The following ARMC9 variants were observed in gnomAD, a reference collection of about 807,000 sequenced individuals.
ARMC9 encodes the protein lisH domain-containing protein ARMC9.
ARMC9 carries 94 observed loss-of-function variants against 107.0 expected under a neutral mutation model. The ratio of observed to expected loss-of-function variants is 0.88; its 90% CI spans 0.74 to 1.04. The LOEUF (loss-of-function observed/expected upper bound fraction) is 1.04. Ranked by LOEUF, ARMC9 falls within the 50% of genes least tolerant of loss-of-function variation. The pLI, the probability that ARMC9 is intolerant of heterozygous loss-of-function variation, is 0.00. For missense variants in ARMC9, 942 were observed against 1,030.1 expected (o/e 0.91, Z 1.17); for synonymous variants, 380 against 396.9 (o/e 0.96, Z 0.51).
At position 231,247,622 on chromosome 2, in the gene ARMC9, G is replaced by C. The variant is rs144966011; in HGVS notation, c.879+7581G>C. Among the ~76,000 whole-genome samples the C allele has an allele frequency of 1.2e-3, 177 of 152,312 alleles. 1 individual carries two copies. The highest frequency in any genetic ancestry group is 4.1e-3 in the African/African-American group (169 of 41,574). ...CCTGTTGCATACCCAGACCAACCTGGTGATGAGAGGGTTTAACACCTTTGT... is the reference window on the plus strand; with the variant it reads ...CCTGTTGCATACCCAGACCAACCTGCTGATGAGAGGGTTTAACACCTTTGT... On this transcript the variant is annotated intron_variant, in intron 9 of 24. Transcript: ENST00000611582.
rs2046164948 is a variant in ARMC9 at position 231,375,358 on chromosome 2, A to G, written c.*3823A>G. Reference sequence around the variant, plus strand: ...CACGTTCACTATTCTCCCATTGTCCAAAGCAGACCACATGGCCAAGGCCCA... The same window carrying G: ...CACGTTCACTATTCTCCCATTGTCCGAAGCAGACCACATGGCCAAGGCCCA... On this transcript the variant is annotated 3_prime_UTR_variant, in exon 25 of 25. Transcript: ENST00000611582. The surrounding 1 kb of genome is among the most constrained non-coding windows in gnomAD (Gnocchi z 4.3). 6.6e-6 allele frequency among the ~76,000 whole-genome samples: 1 copy of G among 152,204 alleles called. No individual in the cohort carries two copies. The highest frequency in any genetic ancestry group is 2.4e-5 in the African/African-American group (1 of 41,458).
At chr2:231,309,608 A>G (rs1346951056) in intron 19 of ARMC9, among the ~76,000 whole-genome samples, 3 of 152,176 alleles carry the variant, frequency 2.0e-5, no homozygotes, top group East Asian at 3.9e-4. Flanking sequence ...CTGGAGAAAA[A>G]ATGTGTATGG....
intron 20 of ARMC9, among the ~76,000 whole-genome samples, chr2:231,343,144 C>G (rs2044619898): frequency 6.6e-6 from 1 of 152,000 alleles, no homozygotes; most frequent in East Asian, 1.9e-4. Flanking sequence ...AACTCCCAAC[C>G]TCAGGTGATC....
chr2:231,246,975 A>G (rs1012596601), intron 9 of ARMC9, among the ~76,000 whole-genome samples: 5 of 131,868 alleles, frequency 3.8e-5, no homozygotes, highest in African/African-American at 1.5e-4. Context: ...TTTTTTTTTT[A>G]AGACCGAGTC....
At chr2:231,364,423 A>G (rs777810333) in intron 23 of ARMC9, among the ~76,000 whole-genome samples, 13 of 152,160 alleles carry the variant, frequency 8.5e-5, no homozygotes, top group Non-Finnish European at 1.6e-4. Context: ...ATGAGAAGAG[A>G]TTGTACATAT....
In ARMC9 at chr2:231,213,546, G is replaced by A. The variant is rs192010335; in HGVS notation, c.178-1285G>A. On this transcript the variant is annotated intron_variant, in intron 3 of 24. Transcript: ENST00000611582. The stretch of plus-strand genomic sequence containing the variant: ...GGCTGGAGTGCAGTGGCGCAATCTC[G>A]GCTCACCCCAACCTCCGCCTCCCGG... Among the ~76,000 whole-genome samples, 76 of 149,220 alleles carry A rather than the reference G, an allele frequency of 5.1e-4. 2 individuals carry two copies. Among genetic ancestry groups the A allele is most frequent in the Admixed American group, 4.0e-3 (59 of 14,902 alleles).
rs537669037 is a variant in ARMC9 at position 231,278,430 on chromosome 2, C to T, written c.1523C>T (p.Ser508Leu). ...KVAGLVLKVL[S>L]DLLGHENHEI... ...GCAGGCCTCGTGCTCAAAGTCCTTT[C>T]GGATCTTCTTGGCCATGAAAACCAT... Residue 508 changes from serine to leucine, a missense_variant, in exon 16 of 25, where the codon TCG becomes TTG. By Grantham distance (145) the Ser-to-Leu change is moderately radical (BLOSUM62 -2). Coordinates refer to ENST00000611582, the MANE Select transcript of ARMC9 (RefSeq NM_001352754.2). 1.8e-5 allele frequency: 29 copies of T among 1,613,978 alleles called. No homozygotes were observed. The South Asian group carries it at 2.0e-4, about 11-fold the overall frequency.
At position 231,262,117 on chromosome 2, in the gene ARMC9, C is replaced by T. The variant is rs190353121; in HGVS notation, c.1027-189C>T. On this transcript the variant is annotated intron_variant, in intron 11 of 24. Coordinates refer to ENST00000611582, the MANE Select transcript of ARMC9 (RefSeq NM_001352754.2). ...GATTACAGGTGTGAGCCACCGTGCCCGGCCCGCATCATAGGTTCTCGTTTT... is the reference window on the plus strand; with the variant it reads ...GATTACAGGTGTGAGCCACCGTGCCTGGCCCGCATCATAGGTTCTCGTTTT... Among the ~76,000 whole-genome samples the T allele has an allele frequency of 1.9e-4, 29 of 152,250 alleles. 1 individual carries two copies. In the East Asian group the frequency reaches 2.1e-3, roughly 11 times the overall value.
intron 19 of ARMC9, among the ~76,000 whole-genome samples, chr2:231,308,397 G>A (rs941431575): frequency 6.6e-6 from 1 of 152,180 alleles, no homozygotes; most frequent in African/African-American, 2.4e-5. Context: ...GCCCAGGCTG[G>A]CGTGAGAGCC....
At chr2:231,315,039 G>A (rs1259060500) in intron 19 of ARMC9, among the ~76,000 whole-genome samples, 1 of 152,132 alleles carries the variant, frequency 6.6e-6, no homozygotes, top group Non-Finnish European at 1.5e-5. Context: ...AGGAGTTCAA[G>A]ACCAGCCTGA....
intron 15 of ARMC9, 124 bp from the exon 16 acceptor site, chr2:231,278,258 A>G (rs2039928656): frequency 2.3e-6 from 2 of 871,964 alleles, no homozygotes; most frequent in Middle Eastern, 2.2e-4. Context: ...GAGGTCATAC[A>G]GCTCACCCGA....
intron 1 of ARMC9, among the ~76,000 whole-genome samples, chr2:231,201,706 C>G (rs1037655832): frequency 6.6e-6 from 1 of 152,228 alleles, no homozygotes; most frequent in Non-Finnish European, 1.5e-5. Context: ...CTGATTAGTT[C>G]CAGTGTCCCA....
At chr2:231,264,365 G>A (rs1178460471) in intron 12 of ARMC9, among the ~76,000 whole-genome samples, 1 of 151,546 alleles carries the variant, frequency 6.6e-6, no homozygotes, top group Admixed American at 6.6e-5. Flanking sequence ...TTTTAGTAGA[G>A]ACGGGATTTC....
intron 2 of ARMC9, 74 bp downstream of exon 2, chr2:231,206,363 T>A: frequency 8.4e-7 from 1 of 1,197,214 alleles, no homozygotes; most frequent in South Asian, 1.3e-5. Context: ...TGCAACAAAC[T>A]ATTTAGTGCC....
chr2:231,240,588 A>G (rs1315522425), intron 9 of ARMC9, among the ~76,000 whole-genome samples: 2 of 152,190 alleles, frequency 1.3e-5, no homozygotes, highest in East Asian at 3.8e-4. Flanking sequence ...TATATATATT[A>G]TGACTCTTTA....
At chr2:231,343,009 G>T (rs973367721) in intron 20 of ARMC9, among the ~76,000 whole-genome samples, 1 of 152,038 alleles carries the variant, frequency 6.6e-6, no homozygotes, top group Non-Finnish European at 1.5e-5. Context: ...CACCTCCCTG[G>T]TTCAAGTGAT....
At chr2:231,306,680 G>C (rs1416425090) in intron 19 of ARMC9, among the ~76,000 whole-genome samples, 1 of 151,798 alleles carries the variant, frequency 6.6e-6, no homozygotes, top group Non-Finnish European at 1.5e-5. Context: ...AACAAGATAG[G>C]AACAAGCTAA....
intron 20 of ARMC9, 105 bp from the exon 21 acceptor site, chr2:231,344,870 C>T (rs2044721999): frequency 9.0e-7 from 1 of 1,108,020 alleles, no homozygotes; most frequent in East Asian, 2.5e-5. Context: ...ATTTGCAAAG[C>T]TTCTTATCAT....
intron 19 of ARMC9, among the ~76,000 whole-genome samples, chr2:231,323,795 A>C (rs1389733507): frequency 1.3e-5 from 2 of 152,206 alleles, no homozygotes; most frequent in Non-Finnish European, 2.9e-5. Context: ...CTTGGTACAA[A>C]ACTTTTTAAA....
Sources: allele counts gnomAD v4.1 joint callset (sites outside exome capture counted in the v4.1 genomes callset), GRCh38; gene constraint gnomAD v4.1.1; non-coding constraint Gnocchi (gnomAD v3.1); transcripts MANE v1.5; gene names NCBI Gene and HGNC (gene_info 2026-07-23, HGNC 2026-07-21).